The following TOP1 variants were observed in gnomAD, a reference collection of about 807,000 sequenced individuals.
TOP1 encodes DNA topoisomerase I, also known as DNA topoisomerase 1.
A neutral mutation model predicts 111.1 loss-of-function variants in TOP1; 10 were observed. The ratio of observed to expected loss-of-function variants is 0.09; its 90% CI spans 0.06 to 0.15. The LOEUF (loss-of-function observed/expected upper bound fraction) is 0.15, where lower values mean the gene tolerates loss of function less well. TOP1 is among the 10% of genes least tolerant of loss of function. The pLI is 1.00. For synonymous variants in TOP1, 271 were observed against 302.9 expected (o/e 0.89, Z 1.10); for missense variants, 474 against 926.7 (o/e 0.51, Z 6.34).
chr20:41,111,125 G>GA (rs1225392977), intron 13 of TOP1, among the ~76,000 whole-genome samples: 1 of 152,190 alleles, frequency 6.6e-6, no homozygotes, highest in Non-Finnish European at 1.5e-5. Flanking sequence ...AGGGGACTTT[G>GA]AGACAGGCTT....
At position 41,034,428 on chromosome 20, in the gene TOP1, C is replaced by T. The variant is rs892960136; in HGVS notation, c.58+4973C>T. ...TGCCAACCCCCACCCTCCCTGCCACCTGCCTATCTAGATGTGGACAGTATG... is the reference window on the plus strand; with the variant it reads ...TGCCAACCCCCACCCTCCCTGCCACTTGCCTATCTAGATGTGGACAGTATG... On this transcript the variant is annotated intron_variant, in intron 2 of 20. Transcript: ENST00000361337. This position sits in a 1 kb window ranked among gnomAD's most constrained non-coding sequence, Gnocchi z 4.0. 2.6e-5 allele frequency among the ~76,000 whole-genome samples: 4 copies of T among 152,188 alleles called. No individual in the cohort carries two copies. Among genetic ancestry groups the T allele is most frequent in the African/African-American group, 7.2e-5 (3 of 41,432 alleles).
intron 3 of TOP1, among the ~76,000 whole-genome samples, chr20:41,063,753 G>C (rs182233235): frequency 6.6e-6 from 1 of 151,840 alleles, no homozygotes; most frequent in East Asian, 1.9e-4. Context: ...AGAAATGTCT[G>C]TTCATGTCTT....
chr20:41,057,285 G>T (rs1223011028), intron 2 of TOP1, among the ~76,000 whole-genome samples: 1 of 151,184 alleles, frequency 6.6e-6, no homozygotes, highest in Non-Finnish European at 1.5e-5. Flanking sequence ...AGGAGGCTGA[G>T]GCAGGAGAAT....
rs2034432293 is a variant in TOP1 at position 41,122,042 on chromosome 20, G to A, written c.2082G>A (p.Leu694=). The change falls in exon 20 of 21, where the codon CTG becomes CTA. Residue 694 remains leucine (L), a synonymous_variant. Transcript: ENST00000361337. This position sits in a 1 kb window ranked among gnomAD's most constrained non-coding sequence, Gnocchi z 5.4. ...VESKKKAVQR[L]EEQLMKLEVQ... ...CAAAGAAGAAGGCTGTTCAGAGACT[G>A]GAGGAACAGTTGATGAAGCTGGAAG... 1 of 1,613,942 alleles carries A rather than the reference G, an allele frequency of 6.2e-7. No individual in the cohort carries two copies. Among genetic ancestry groups the A allele is most frequent in the Non-Finnish European group, 8.5e-7 (1 of 1,180,032 alleles).
At chr20:41,096,393 A>G (rs879140152) in intron 9 of TOP1, among the ~76,000 whole-genome samples, 6 of 152,178 alleles carry the variant, frequency 3.9e-5, no homozygotes, top group Admixed American at 1.3e-4. Context: ...TACATAAACA[A>G]TTGGATACAC....
At position 41,098,170 on chromosome 20, in the gene TOP1, T is replaced by G. The variant is rs1315294625; in HGVS notation, c.853-45T>G. 1 of 1,603,752 alleles carries G rather than the reference T, an allele frequency of 6.2e-7. No homozygotes were observed. Among genetic ancestry groups the G allele is most frequent in the African/African-American group, 1.3e-5 (1 of 74,724 alleles). ...AAAGAAACCCAAGGACTTATTAGTG[T>G]ATTTTCGTTGTTTTTCTTTCATCTC... On this transcript the variant is annotated intron_variant, in intron 10 of 20. Coordinates refer to ENST00000361337, the MANE Select transcript of TOP1 (RefSeq NM_003286.4). This position sits in a 1 kb window ranked among gnomAD's most constrained non-coding sequence, Gnocchi z 5.7.
At position 41,113,062 on chromosome 20, in the gene TOP1, G is replaced by A. The variant is rs2034267710; in HGVS notation, c.1452+137G>A. On this transcript the variant is annotated intron_variant, in intron 14 of 20. Transcript: ENST00000361337. ...ATTTGTATGTAAAACTGAATCAAAAGTTGCACAAAACAATGCTTAGCCTTA... is the reference window on the plus strand; with the variant it reads ...ATTTGTATGTAAAACTGAATCAAAAATTGCACAAAACAATGCTTAGCCTTA... 3 of 926,776 alleles carry A rather than the reference G, an allele frequency of 3.2e-6. No individual in the cohort carries two copies. In the Admixed American group the frequency reaches 9.4e-5, roughly 29 times the overall value. 57.4% of individuals were successfully genotyped at this position (926,776 alleles called of 1,614,324 possible).
intron 3 of TOP1, among the ~76,000 whole-genome samples, chr20:41,063,104 A>G (rs1346952733): frequency 6.6e-6 from 1 of 152,152 alleles, no homozygotes; most frequent in African/African-American, 2.4e-5. Context: ...TCTCTGCTCT[A>G]GTAGTCTCCA....
intron 2 of TOP1, among the ~76,000 whole-genome samples, chr20:41,043,597 T>G (rs1342076722): frequency 6.6e-6 from 1 of 152,204 alleles, no homozygotes; most frequent in East Asian, 1.9e-4. Context: ...AGAAGGTCCC[T>G]TGGTTGAATT....
At chr20:41,088,382 G>A (rs1247401837) in intron 8 of TOP1, among the ~76,000 whole-genome samples, 7 of 152,098 alleles carry the variant, frequency 4.6e-5, no homozygotes, top group Admixed American at 6.5e-5. Flanking sequence ...GGCACCTGTC[G>A]TCCCCAGGTA....
At chr20:41,089,648 T>C (rs2033894703) in intron 8 of TOP1, among the ~76,000 whole-genome samples, 1 of 152,226 alleles carries the variant, frequency 6.6e-6, no homozygotes, top group South Asian at 2.1e-4. Flanking sequence ...ATATTGAGTA[T>C]ATTCCTGGGA....
intron 2 of TOP1, among the ~76,000 whole-genome samples, chr20:41,056,448 T>G (rs1274627164): frequency 6.6e-6 from 1 of 152,204 alleles, no homozygotes; most frequent in Non-Finnish European, 1.5e-5. Flanking sequence ...TAATACACTT[T>G]TTGACACACC....
At chr20:41,053,854 A>G (rs2033435742) in intron 2 of TOP1, among the ~76,000 whole-genome samples, 1 of 152,052 alleles carries the variant, frequency 6.6e-6, no homozygotes, top group Non-Finnish European at 1.5e-5. Context: ...ATTTCTCTAG[A>G]TACACCTTGG....
In TOP1 at chr20:41,109,137, C is replaced by T. The variant is rs1341156157; in HGVS notation, c.1309-3645C>T. ...GTTCCAAAAATGTATGTGCTTACAA[C>T]CTTTTATATGTAACCACCTAGGGAT... is the stretch of plus-strand genomic sequence containing the variant. On this transcript the variant is annotated intron_variant, in intron 13 of 20. Coordinates refer to ENST00000361337, the MANE Select transcript of TOP1 (RefSeq NM_003286.4). The surrounding 1 kb of genome is among the most constrained non-coding windows in gnomAD (Gnocchi z 4.1). Among the ~76,000 whole-genome samples, 1 of 152,126 alleles carries T rather than the reference C, an allele frequency of 6.6e-6. No individual in the cohort carries two copies. The highest frequency in any genetic ancestry group is 1.5e-5 in the Non-Finnish European group (1 of 68,036).
chr20:41,074,489 GTTT>G (rs571318591), intron 3 of TOP1, among the ~76,000 whole-genome samples: 1 of 143,764 alleles, frequency 7.0e-6, no homozygotes, highest in Non-Finnish European at 1.6e-5. Context: ...GCATTGTTTT[GTTT>G]TTTTTTTTCT....
At chr20:41,049,975 A>G (rs920570937) in intron 2 of TOP1, among the ~76,000 whole-genome samples, 3 of 152,142 alleles carry the variant, frequency 2.0e-5, no homozygotes, top group Non-Finnish European at 4.4e-5. Context: ...GGTCATGTGG[A>G]CTTTAAAAAT....
Position 41,029,489 on chromosome 20 carries a change from C to A in TOP1, c.58+34C>A, listed in dbSNP as rs1242475247. On this transcript the variant is annotated intron_variant, in intron 2 of 20. Transcript: ENST00000361337. This position sits in a 1 kb window ranked among gnomAD's most constrained non-coding sequence, Gnocchi z 6.1. ...GCCCCCTGCGCCGACTCCGGGGCCC[C>A]CCAGCCGCCGGCCGCCTCCCCCGCG... 1 of 1,547,790 alleles carries A rather than the reference C, an allele frequency of 6.5e-7. No individual in the cohort carries two copies. The highest frequency in any genetic ancestry group is 2.0e-5 in the Admixed American group (1 of 51,084).
intron 2 of TOP1, among the ~76,000 whole-genome samples, chr20:41,042,643 A>G (rs1197146356): frequency 6.6e-6 from 1 of 152,256 alleles, no homozygotes; most frequent in African/African-American, 2.4e-5. Context: ...ATAAAGCAGT[A>G]TAGTTGACGC....
At chr20:41,073,008 CT>C in intron 3 of TOP1, 8 of 985,368 alleles carry the variant, frequency 8.1e-6, no homozygotes, top group Non-Finnish European at 9.6e-6. Flanking sequence ...CTAGCAGGAA[CT>C]TTGAATTTCC....
Sources: gnomAD v4.1 joint callset for allele counts (sites outside exome capture counted in the v4.1 genomes callset) on GRCh38, gnomAD v4.1.1 for gene constraint, Gnocchi (gnomAD v3.1) non-coding constraint, MANE v1.5 for transcripts, NCBI Gene and HGNC (gene_info 2026-07-23, HGNC 2026-07-21) for gene names.